The following RASA3 variants were observed in gnomAD, a reference collection of about 807,000 sequenced individuals.
RASA3 encodes the protein ras GTPase-activating protein 3.
In RASA3, 73 loss-of-function variants were observed where a neutral mutation model predicts 110.0. That is an observed-to-expected ratio of 0.66 (90% CI 0.55 to 0.81). The LOEUF (loss-of-function observed/expected upper bound fraction) is 0.81. Among genes scored for constraint, RASA3 ranks in the 30% least tolerant of loss-of-function variants. The pLI is 0.00. For missense variants in RASA3, 976 were observed against 1,113.2 expected (o/e 0.88, Z 1.75); for synonymous variants, 500 against 451.4 (o/e 1.11, Z -1.37).
intron 15 of RASA3, among the ~76,000 whole-genome samples, chr13:114,012,463 C>T (rs1566475920): frequency 1.4e-5 from 2 of 146,424 alleles, no homozygotes; most frequent in Non-Finnish European, 3.0e-5. Context: ...ATGCACCGTC[C>T]ACACACACTC....
chr13:114,067,396 G>A (rs1367156164), intron 2 of RASA3, among the ~76,000 whole-genome samples: 2 of 152,272 alleles, frequency 1.3e-5, no homozygotes, highest in Admixed American at 6.5e-5. Flanking sequence ...TAACTTGAGA[G>A]TGAAAATAAA....
intron 3 of RASA3, among the ~76,000 whole-genome samples, chr13:114,041,385 C>G (rs961452000): frequency 4.6e-5 from 7 of 152,258 alleles, no homozygotes; most frequent in African/African-American, 1.7e-4. Context: ...ATTAAAAAGT[C>G]AAAATAATCA....
At chr13:114,060,528 G>A (rs1383371226) in intron 2 of RASA3, among the ~76,000 whole-genome samples, 1 of 152,254 alleles carries the variant, frequency 6.6e-6, no homozygotes, top group Non-Finnish European at 1.5e-5. Flanking sequence ...TTGTCCTCAT[G>A]GGGACGACAG....
intron 1 of RASA3, among the ~76,000 whole-genome samples, chr13:114,130,561 G>C (rs144290639): frequency 6.6e-6 from 1 of 151,956 alleles, no homozygotes; most frequent in Non-Finnish European, 1.5e-5. Flanking sequence ...AAGTGGGGCC[G>C]AGTGCCCGCA....
At chr13:114,076,974 G>A (rs1053357963) in intron 1 of RASA3, among the ~76,000 whole-genome samples, 1 of 152,076 alleles carries the variant, frequency 6.6e-6, no homozygotes, top group Non-Finnish European at 1.5e-5. Flanking sequence ...TTTTGTTTTT[G>A]TTTTGTTTTC....
intron 1 of RASA3, among the ~76,000 whole-genome samples, chr13:114,089,971 TCA>T (rs1271076984): frequency 1.3e-5 from 2 of 152,142 alleles, no homozygotes; most frequent in Non-Finnish European, 2.9e-5. Flanking sequence ...GCTTAGCCCG[TCA>T]CAGCTCTGCC....
chr13:113,980,147 G>A (rs1234684788), intron 23 of RASA3, among the ~76,000 whole-genome samples: 2 of 119,374 alleles, frequency 1.7e-5, no homozygotes, highest in African/African-American at 3.5e-5. Context: ...CTCCTGCCAC[G>A]TGTGTGCACA....
chr13:114,025,127 C>G (rs111678342), intron 7 of RASA3, among the ~76,000 whole-genome samples: 6 of 152,316 alleles, frequency 3.9e-5, no homozygotes, highest in African/African-American at 1.4e-4. Flanking sequence ...TCCCTCCCTG[C>G]CCCCCCTTCT....
chr13:113,980,142 G>A (rs113983796), intron 23 of RASA3, among the ~76,000 whole-genome samples: 1 of 115,778 alleles, frequency 8.6e-6, no homozygotes, highest in Non-Finnish European at 1.7e-5. Flanking sequence ...TGTACCTCCT[G>A]CCACGTGTGT....
intron 9 of RASA3, among the ~76,000 whole-genome samples, chr13:114,020,600 C>T (rs1470408399): frequency 1.3e-5 from 2 of 152,214 alleles, no homozygotes; most frequent in Non-Finnish European, 2.9e-5. Flanking sequence ...CCCGTGACTC[C>T]GGGCCCTCTC....
At chr13:114,030,436 G>GCTCACACAGAGGGCAAGA in intron 4 of RASA3, among the ~76,000 whole-genome samples, 1 of 114,118 alleles carries the variant, frequency 8.8e-6, no homozygotes, top group African/African-American at 3.2e-5. Context: ...AGAGGGCAAG[G>GCTCACACAGAGGGCAAGA]CTCACACAGA....
intron 4 of RASA3, among the ~76,000 whole-genome samples, chr13:114,032,381 C>A (rs12020893): frequency 0.056 from 8,470 of 152,222 alleles, 447 homozygotes; most frequent in East Asian, 0.2. Flanking sequence ...GACCCATGGG[C>A]CACACGTCGT....
At chr13:114,042,165 G>A (rs571581287) in intron 3 of RASA3, among the ~76,000 whole-genome samples, 31 of 152,332 alleles carry the variant, frequency 2.0e-4, no homozygotes, top group South Asian at 6.2e-4. Flanking sequence ...CCCGAGGCGC[G>A]GCAAACGTGT....
chr13:114,080,103 T>C (rs976319370), intron 1 of RASA3, among the ~76,000 whole-genome samples: 1 of 152,194 alleles, frequency 6.6e-6, no homozygotes, highest in Non-Finnish European at 1.5e-5. Context: ...GCACCTGCTC[T>C]ATCCTCACGC....
Position 114,056,369 on chromosome 13 carries a change from G to A in RASA3, c.174-4214C>T, listed in dbSNP as rs1214322530. ...CCCCACAAACGGGCGCCGCGCACCT[G>A]GCATTTAACCCTGCACACTTCCTCA... On this transcript the variant is annotated intron_variant, in intron 2 of 23. Coordinates refer to ENST00000334062, the MANE Select transcript of RASA3 (RefSeq NM_007368.4). The surrounding 1 kb of genome is among the most constrained non-coding windows in gnomAD (Gnocchi z 5.7). 1 of 879,544 alleles carries A rather than the reference G, an allele frequency of 1.1e-6. No individual in the cohort carries two copies. The highest frequency in any genetic ancestry group is 6.2e-5 in the Admixed American group (1 of 16,136). 54.5% of individuals were successfully genotyped at this position (879,544 alleles called of 1,614,324 possible).
At chr13:114,052,521 G>C (rs1228525715) in intron 2 of RASA3, among the ~76,000 whole-genome samples, 3 of 152,222 alleles carry the variant, frequency 2.0e-5, no homozygotes, top group Non-Finnish European at 4.4e-5. Context: ...GGGGCAGGCA[G>C]TGGCTCCCTT....
intron 1 of RASA3, among the ~76,000 whole-genome samples, chr13:114,118,245 C>G (rs1026859959): frequency 2.6e-5 from 4 of 152,120 alleles, no homozygotes; most frequent in Non-Finnish European, 4.4e-5. Context: ...CTCCCGACGA[C>G]TGCAGCTGCC....
intron 4 of RASA3, 54 bp from the exon 5 acceptor site, chr13:114,029,941 A>T: frequency 6.7e-7 from 1 of 1,489,102 alleles, no homozygotes; most frequent in East Asian, 2.5e-5. Context: ...CCCACAGGCC[A>T]CTAGGGCCGC....
intron 1 of RASA3, among the ~76,000 whole-genome samples, chr13:114,103,452 G>A (rs1594458722): frequency 6.6e-6 from 1 of 152,072 alleles, no homozygotes; most frequent in African/African-American, 2.4e-5. Context: ...CGGGGGGACG[G>A]GGGACACAGA....
Sources: allele counts gnomAD v4.1 joint callset (sites outside exome capture counted in the v4.1 genomes callset), GRCh38; gene constraint gnomAD v4.1.1; non-coding constraint Gnocchi (gnomAD v3.1); transcripts MANE v1.5; gene names NCBI Gene and HGNC (gene_info 2026-07-23, HGNC 2026-07-21).